MMP2: variants seen among roughly 807,000 people sequenced by gnomAD.
MMP2 encodes the protein matrix metallopeptidase 2, also known as 72 kDa type IV collagenase.
A neutral mutation model predicts 74.8 loss-of-function variants in MMP2; 39 were observed. The observed-to-expected ratio is 0.52, with a 90% CI of 0.40 to 0.68. The LOEUF is 0.68. Among genes scored for constraint, MMP2 ranks in the 30% least tolerant of loss-of-function variants. The pLI is 0.00. For synonymous variants in MMP2, 367 were observed against 339.8 expected (o/e 1.08, Z -0.88); for missense variants, 803 against 878.3 (o/e 0.91, Z 1.08).
intron 11 of MMP2, among the ~76,000 whole-genome samples, chr16:55,500,792 G>C (rs539921725): frequency 6.6e-6 from 1 of 152,208 alleles, no homozygotes; most frequent in Non-Finnish European, 1.5e-5. Context: ...TGGCCCTGCC[G>C]TGGAGTCTGC....
At position 55,498,390 on chromosome 16, in the gene MMP2, G is replaced by A. The variant is rs752981351; in HGVS notation, c.1711G>A (p.Ala571Thr). ...LPPDVQRVDA[A>T]FNWSKNKKTY... ...CCCTGATGTCCAGCGAGTGGATGCC[G>A]CCTTTAACTGGAGCAAAAACAAGAA... is the stretch of plus-strand genomic sequence containing the variant. Residue 571 changes from alanine (A) to threonine (T), a missense_variant, in exon 11 of 13, where the codon GCC becomes ACC. Ala to Thr is a moderately conservative substitution (Grantham distance 58). Coordinates refer to ENST00000219070, the MANE Select transcript of MMP2 (RefSeq NM_004530.6). 107 of 1,614,128 alleles carry A rather than the reference G, an allele frequency of 6.6e-5. No homozygotes were observed. The highest frequency in any genetic ancestry group is 6.4e-5 in the Non-Finnish European group (75 of 1,180,054).
Position 55,493,228 on chromosome 16 carries a change from C to T in MMP2, c.1407C>T (p.Cys469=), listed in dbSNP as rs201778266. ...TGGGCCCTGTCACTCCTGAGATCTG[C>T]AAACAGGACATTGTATTTGATGGCA... ...PTLGPVTPEI[C]KQDIVFDGIA... The change falls in exon 9 of 13, where the codon TGC becomes TGT. Residue 469 remains cysteine, a synonymous_variant. Transcript: ENST00000219070. The T allele has an allele frequency of 1.9e-6, 3 of 1,614,150 alleles. No homozygotes were observed. In the African/African-American group the frequency reaches 4.0e-5, roughly 22 times the overall value.
Position 55,488,686 on chromosome 16 carries a change from G to T in MMP2, c.976G>T (p.Asp326Tyr), listed in dbSNP as rs371671100. 2 of 1,610,208 alleles carry T rather than the reference G, an allele frequency of 1.2e-6. No homozygotes were observed. The highest frequency in any genetic ancestry group is 3.3e-5 in the Admixed American group (2 of 59,706). The change falls in exon 6 of 13, where the codon GAC (aspartate) becomes TAC (tyrosine). Residue 326 changes from aspartate (D) to tyrosine (Y), a missense_variant. By Grantham distance (160) the Asp-to-Tyr change is radical (BLOSUM62 -3). This residue lies in a region of MMP2 where 555 missense variants were observed against 592.0 expected (regional missense o/e 0.94). Transcript: ENST00000219070. Reference protein sequence around the residue: ...WCGTTEDYDRDKKYGFCPETA... With the variant: ...WCGTTEDYDRYKKYGFCPETA... ...CGGCACCACTGAGGACTACGACCGC[G>T]ACAAGAAGTATGGCTTCTGCCCTGA...
In MMP2 at chr16:55,493,287, A is replaced by T. The variant is rs1962459731; in HGVS notation, c.1466A>T (p.Lys489Met). The change falls in exon 9 of 13, where the codon AAG becomes ATG. Residue 489 changes from lysine (K) to methionine (M), a missense_variant. By Grantham distance (95) the Lys-to-Met change is moderately conservative. Coordinates refer to ENST00000219070, the MANE Select transcript of MMP2 (RefSeq NM_004530.6). ...ATCCGTGGTGAGATCTTCTTCTTCAAGGACCGGTGAGTGCAGGAGCTTGCT... is the reference window on the plus strand; with the variant it reads ...ATCCGTGGTGAGATCTTCTTCTTCATGGACCGGTGAGTGCAGGAGCTTGCT... ...AQIRGEIFFF[K>M]DRFIWRTVTP... The T allele has an allele frequency of 6.2e-7, 1 of 1,614,180 alleles. No individual in the cohort carries two copies. Among genetic ancestry groups the T allele is most frequent in the African/African-American group, 1.3e-5 (1 of 75,040 alleles).
chr16:55,500,494 TAC>T (rs55996787), intron 11 of MMP2, among the ~76,000 whole-genome samples: 1,366 of 136,262 alleles, frequency 0.01, 18 homozygotes, highest in African/African-American at 0.019. Flanking sequence ...CATGTGCGCA[TAC>T]ACACACACAC....
At chr16:55,491,743 A>T in intron 7 of MMP2, 58 bp from the exon 8 acceptor site, 34 of 1,585,198 alleles carry the variant, frequency 2.1e-5, no homozygotes, top group Non-Finnish European at 2.6e-5. Context: ...TCAGGTCTTG[A>T]CTTCTCTCTC....
chr16:55,500,491 G>GCGCACACACACACACACACA (rs1962639358), intron 11 of MMP2, among the ~76,000 whole-genome samples: 1 of 49,302 alleles, frequency 2.0e-5, no homozygotes, highest in Non-Finnish European at 4.0e-5. Context: ...GCGCATGTGC[G>GCGCACACACACACACACACA]CATACACACA....
In MMP2 at chr16:55,488,757, T is replaced by G. The variant is rs1178854121; in HGVS notation, c.1006+41T>G. On this transcript the variant is annotated intron_variant, in intron 6 of 12. Transcript: ENST00000219070. ...TCTCCCTCCCTCAGGGCCCAGCACC[T>G]GCTGTCTGACAAAAAAAAAACCCAT... 3 of 1,549,932 alleles carry G rather than the reference T, an allele frequency of 1.9e-6. No homozygotes were observed. The East Asian group carries it at 7.3e-5, about 38-fold the overall frequency.
intron 5 of MMP2, among the ~76,000 whole-genome samples, chr16:55,485,995 A>G (rs1440750026): frequency 6.6e-6 from 1 of 152,198 alleles, no homozygotes; most frequent in African/African-American, 2.4e-5. Context: ...CTCTAATTAA[A>G]TCAAGTTGAT....
At position 55,493,301 on chromosome 16, in the gene MMP2, C is replaced by A. The variant is rs188166077; in HGVS notation, c.1472+8C>A. ...CTTCTTCTTCAAGGACCGGTGAGTG[C>A]AGGAGCTTGCTTCTTGTCCTCCTTG... On this transcript the variant is annotated splice_region_variant and intron_variant, in intron 9 of 12. Transcript: ENST00000219070. 4 of 1,614,146 alleles carry A rather than the reference C, an allele frequency of 2.5e-6. No homozygotes were observed. The highest frequency in any genetic ancestry group is 2.7e-5 in the African/African-American group (2 of 75,066).
chr16:55,501,292 C>T (rs1350566602), intron 11 of MMP2, among the ~76,000 whole-genome samples: 1 of 152,212 alleles, frequency 6.6e-6, no homozygotes, highest in South Asian at 2.1e-4. Context: ...CTTCTGACAC[C>T]ACAGTGCTTG....
At chr16:55,497,259 CA>C (rs1962554034) in intron 10 of MMP2, among the ~76,000 whole-genome samples, 197 bp downstream of exon 10, 1 of 152,198 alleles carries the variant, frequency 6.6e-6, no homozygotes, top group Non-Finnish European at 1.5e-5. Flanking sequence ...TTCCGACACC[CA>C]ACATCAGATA....
At chr16:55,505,055 G>A (rs1436092702) in intron 12 of MMP2, among the ~76,000 whole-genome samples, 2 of 151,766 alleles carry the variant, frequency 1.3e-5, no homozygotes, top group Non-Finnish European at 2.9e-5. Context: ...GGGCTTAAGC[G>A]ACCCTCCCAC....
At position 55,488,566 on chromosome 16, in the gene MMP2, G is replaced by A. The variant is rs753867656; in HGVS notation, c.856G>A (p.Ala286Thr). The change falls in exon 6 of 13, where the codon GCT (alanine) becomes ACT (threonine). Residue 286 changes from alanine (A) to threonine (T), a missense_variant. Around this residue, in one of 3 missense-constraint regions of MMP2, gnomAD observed 555 missense variants for 592.0 expected, o/e 0.94. Coordinates refer to ENST00000219070, the MANE Select transcript of MMP2 (RefSeq NM_004530.6). ...AGCCCTGTTCACCATGGGCGGCAAC[G>A]CTGAAGGACAGCCCTGCAAGTTTCC... ...HEALFTMGGN[A>T]EGQPCKFPFR... The A allele has an allele frequency of 4.2e-5, 67 of 1,613,788 alleles. No homozygotes were observed. Among genetic ancestry groups the A allele is most frequent in the Middle Eastern group, 1.6e-4 (1 of 6,084 alleles).
chr16:55,489,683 G>A lies in MMP2; in HGVS notation c.1039G>A (p.Ala347Thr). The A allele has an allele frequency of 6.2e-7, 1 of 1,614,122 alleles. No homozygotes were observed. The highest frequency in any genetic ancestry group is 1.1e-5 in the South Asian group (1 of 91,082). The stretch of plus-strand genomic sequence containing the variant: ...CACTGTTGGTGGGAACTCAGAAGGT[G>A]CCCCCTGTGTCTTCCCCTTCACTTT... The part of the protein sequence containing the change: ...MSTVGGNSEG[A>T]PCVFPFTFLG... Residue 347 changes from alanine to threonine, a missense_variant, in exon 7 of 13, where the codon GCC becomes ACC. By Grantham distance (58) the Ala-to-Thr change is moderately conservative (BLOSUM62 0). This residue lies in a region of MMP2 where 555 missense variants were observed against 592.0 expected (regional missense o/e 0.94). Coordinates refer to ENST00000219070, the MANE Select transcript of MMP2 (RefSeq NM_004530.6).
intron 5 of MMP2, chr16:55,488,296 G>C (rs1962307553): frequency 1.8e-6 from 1 of 548,012 alleles, no homozygotes; most frequent in East Asian, 3.2e-5. Context: ...CTGTGTGCCA[G>C]GTGTCAATCA....
chr16:55,479,731 G>A, intron 1 of MMP2, 99 bp downstream of exon 1: 2 of 1,510,378 alleles, frequency 1.3e-6, no homozygotes, highest in Non-Finnish European at 9.1e-7. Flanking sequence ...TGGGCACACA[G>A]CGTGGGGGAG....
At position 55,496,225 on chromosome 16, in the gene MMP2, C is replaced by G. The variant is rs546928110; in HGVS notation, c.1473-701C>G. Among the ~76,000 whole-genome samples the G allele has an allele frequency of 8.6e-4, 131 of 152,290 alleles. 1 individual carries two copies. Among genetic ancestry groups the G allele is most frequent in the Middle Eastern group, 6.8e-3 (2 of 294 alleles). The stretch of plus-strand genomic sequence containing the variant: ...CTCAGGTGACGCAGATGCTGCTGGT[C>G]AGGAGACTGCACTTTGAGAACCAGT... On this transcript the variant is annotated intron_variant, in intron 9 of 12. Coordinates refer to ENST00000219070, the MANE Select transcript of MMP2 (RefSeq NM_004530.6).
intron 3 of MMP2, among the ~76,000 whole-genome samples, chr16:55,484,391 C>A (rs115013415): frequency 6.6e-6 from 1 of 152,028 alleles, no homozygotes; most frequent in African/African-American, 2.4e-5. Context: ...ACCTGGAGGC[C>A]GTCTAAACCC....
Sources: gnomAD v4.1 joint callset for allele counts (sites outside exome capture counted in the v4.1 genomes callset) on GRCh38, gnomAD v4.1.1 for gene constraint, gnomAD v4.1.1 regional missense constraint, MANE v1.5 for transcripts, NCBI Gene and HGNC (gene_info 2026-07-23, HGNC 2026-07-21) for gene names.